The following PTK2B variants were observed in gnomAD, a reference collection of about 807,000 sequenced individuals.
PTK2B encodes the protein protein tyrosine kinase 2 beta, also known as protein-tyrosine kinase 2-beta.
In PTK2B, 71 loss-of-function variants were observed where a neutral mutation model predicts 142.9. The observed-to-expected ratio is 0.50, with a 90% CI of 0.41 to 0.61. The LOEUF is 0.61. Ranked by LOEUF, PTK2B falls within the 20% of genes least tolerant of loss-of-function variation. The probability of loss-of-function intolerance (pLI) is 0.00; values close to 1 mark genes in which losing one functional copy is unlikely to be tolerated. For synonymous variants in PTK2B, 519 were observed against 503.4 expected, an observed-to-expected ratio of 1.03 and a Z score of -0.42; for missense variants, 1,105 against 1,320.4, an observed-to-expected ratio of 0.84 and a Z score of 2.53.
intron 2 of PTK2B, among the ~76,000 whole-genome samples, chr8:27,418,750 G>A (rs778207150): frequency 3.0e-4 from 46 of 151,960 alleles, no homozygotes; most frequent in Middle Eastern, 3.2e-3. Context: ...ACCAAAGTCC[G>A]GGCGCGGTGG....
chr8:27,326,432 A>G (rs1448090945), intron 1 of PTK2B, among the ~76,000 whole-genome samples: 1 of 152,168 alleles, frequency 6.6e-6, no homozygotes, highest in Non-Finnish European at 1.5e-5. Flanking sequence ...CACCTGCCCT[A>G]AGCCTCGACC....
chr8:27,431,332 T>C (rs1419039188), intron 8 of PTK2B, 66 bp from the exon 9 acceptor site: 1 of 1,611,140 alleles, frequency 6.2e-7, no homozygotes, highest in African/African-American at 1.3e-5. Flanking sequence ...AGGGAGCTTT[T>C]CTTCAAGTTT....
chr8:27,431,355 G>A, intron 8 of PTK2B, 43 bp from the exon 9 acceptor site: 3 of 1,613,982 alleles, frequency 1.9e-6, no homozygotes, highest in Non-Finnish European at 2.5e-6. Flanking sequence ...GAAGAATGGG[G>A]AGGACAGCTC....
Position 27,366,113 on chromosome 8 carries a change from C to G in PTK2B, c.-37-31435C>G, listed in dbSNP as rs533340946. ...GAGAAGGACCCACCTGTGCTACTTC[C>G]TGTGATTGACAGGAAGTTCTGAAAC... On this transcript the variant is annotated intron_variant, in intron 1 of 30. Coordinates refer to ENST00000346049, the MANE Select transcript of PTK2B (RefSeq NM_173176.3). Among the ~76,000 whole-genome samples, 5 of 152,308 alleles carry G rather than the reference C, an allele frequency of 3.3e-5. No homozygotes were observed. The South Asian group carries it at 1.0e-3, about 32-fold the overall frequency.
At chr8:27,420,565 G>A (rs552384339) in intron 3 of PTK2B, 92 bp from the exon 4 acceptor site, 4 of 1,214,148 alleles carry the variant, frequency 3.3e-6, no homozygotes, top group Admixed American at 3.4e-5. Flanking sequence ...CTTTGCACTA[G>A]GGGATGGGCT....
At chr8:27,416,602 C>T (rs1265719182) in intron 2 of PTK2B, among the ~76,000 whole-genome samples, 3 of 152,126 alleles carry the variant, frequency 2.0e-5, no homozygotes, top group Non-Finnish European at 2.9e-5. Context: ...ATACAGAAAA[C>T]GCTAACCATG....
chr8:27,342,504 C>CCTG (rs1319242071), intron 1 of PTK2B, among the ~76,000 whole-genome samples: 1 of 152,148 alleles, frequency 6.6e-6, no homozygotes, highest in Admixed American at 6.5e-5. Flanking sequence ...TGTTTCCTTT[C>CCTG]CTGCCCACAG....
chr8:27,362,369 A>G (rs1017340198), intron 1 of PTK2B, among the ~76,000 whole-genome samples: 1 of 152,088 alleles, frequency 6.6e-6, no homozygotes. Flanking sequence ...CCAGAGTTTC[A>G]GTGTTAGCAC....
intron 3 of PTK2B, among the ~76,000 whole-genome samples, chr8:27,313,598 T>A (rs1221053412): frequency 6.6e-6 from 1 of 152,198 alleles, no homozygotes; most frequent in Non-Finnish European, 1.5e-5. Flanking sequence ...GCTGCCCGAA[T>A]GCACAGTGCC....
At chr8:27,368,241 T>C (rs1034557865) in intron 1 of PTK2B, among the ~76,000 whole-genome samples, 3 of 152,232 alleles carry the variant, frequency 2.0e-5, no homozygotes, top group Admixed American at 1.3e-4. Context: ...CTGCTCTCTT[T>C]GCTTTCCTTC....
At chr8:27,311,297 T>A, upstream of PTK2B, 3 of 1,441,528 alleles carry the variant, frequency 2.1e-6, no homozygotes, top group Non-Finnish European at 1.8e-6. Flanking sequence ...CCCGCCCGGC[T>A]GCCAACGCCC....
chr8:27,373,994 C>CAAGCATGCAGA (rs1490350961), intron 1 of PTK2B, among the ~76,000 whole-genome samples: 6 of 151,734 alleles, frequency 4.0e-5, no homozygotes, highest in African/African-American at 9.7e-5. Flanking sequence ...CCTGCATGTC[C>CAAGCATGCAGA]CCAGAGGGCA....
chr8:27,422,426 G>C, intron 5 of PTK2B, 43 bp downstream of exon 5: 1 of 1,526,018 alleles, frequency 6.6e-7, no homozygotes, highest in Non-Finnish European at 8.9e-7. Context: ...GCTGTGCTGA[G>C]CTCTGGGCAG....
At chr8:27,372,887 G>A (rs1563229180) in intron 1 of PTK2B, among the ~76,000 whole-genome samples, 1 of 152,144 alleles carries the variant, frequency 6.6e-6, no homozygotes, top group Non-Finnish European at 1.5e-5. Context: ...AGCATTTAAA[G>A]ATTAGAGAGT....
chr8:27,451,437 C>T, intron 26 of PTK2B, 48 bp from the exon 27 acceptor site: 1 of 1,611,666 alleles, frequency 6.2e-7, no homozygotes. Flanking sequence ...GGGGTTGTCT[C>T]CACAGCCGCA....
chr8:27,357,858 G>A (rs139537736), intron 1 of PTK2B, among the ~76,000 whole-genome samples: 14 of 152,316 alleles, frequency 9.2e-5, no homozygotes, highest in African/African-American at 3.4e-4. Flanking sequence ...GATATGGAGT[G>A]AAAATATGGT....
intron 2 of PTK2B, among the ~76,000 whole-genome samples, chr8:27,417,074 C>T (rs995837273): frequency 2.0e-5 from 3 of 152,184 alleles, no homozygotes; most frequent in Non-Finnish European, 4.4e-5. Context: ...TCCAGTAATT[C>T]CTCTTCTCAG....
intron 1 of PTK2B, among the ~76,000 whole-genome samples, chr8:27,375,695 C>A (rs150171837): frequency 9.2e-5 from 14 of 152,184 alleles, no homozygotes; most frequent in African/African-American, 3.4e-4. Flanking sequence ...GTGTTCTTTC[C>A]CTGTCCCATG....
At chr8:27,326,781 C>G (rs1424784533) in intron 1 of PTK2B, 5 of 152,490 alleles carry the variant, frequency 3.3e-5, no homozygotes, top group African/African-American at 1.2e-4. Context: ...AGGAAGTAGT[C>G]ACACTGGAGA....
Sources: allele counts gnomAD v4.1 joint callset (sites outside exome capture counted in the v4.1 genomes callset), GRCh38; gene constraint gnomAD v4.1.1; transcripts MANE v1.5; gene names NCBI Gene and HGNC (gene_info 2026-07-23, HGNC 2026-07-21).